The following NCKAP1 variants were observed in gnomAD, a reference collection of about 807,000 sequenced individuals.
NCKAP1 encodes the protein NCK associated protein 1.
A neutral mutation model predicts 151.2 loss-of-function variants in NCKAP1; 21 were observed. That is an observed-to-expected ratio of 0.14 (90% CI 0.10 to 0.20). NCKAP1 has a LOEUF of 0.20. Ranked by LOEUF, NCKAP1 falls within the 10% of genes least tolerant of loss-of-function variation. The probability of loss-of-function intolerance (pLI) is 1.00; values close to 1 mark genes in which losing one functional copy is unlikely to be tolerated. For synonymous variants in NCKAP1, 484 were observed against 451.8 expected (o/e 1.07, Z -0.90); for missense variants, 933 against 1,352.1 (o/e 0.69, Z 4.86).
intron 23 of NCKAP1, among the ~76,000 whole-genome samples, chr2:182,945,376 T>C (rs1050613546): frequency 3.3e-5 from 5 of 151,848 alleles, no homozygotes; most frequent in African/African-American, 9.7e-5. Flanking sequence ...CCAGACCAGG[T>C]GACAGGGAGA....
chr2:183,022,974 C>T (rs930384630), intron 2 of NCKAP1: 4 of 151,968 alleles, frequency 2.6e-5, no homozygotes, highest in African/African-American at 7.2e-5. Flanking sequence ...GACCAGCTGA[C>T]GATATATCTT....
At chr2:183,013,095 A>G (rs1165791661) in intron 2 of NCKAP1, among the ~76,000 whole-genome samples, 1 of 152,104 alleles carries the variant, frequency 6.6e-6, no homozygotes, top group Non-Finnish European at 1.5e-5. Flanking sequence ...ACTGAGTAGC[A>G]ATACTACTCA....
rs576196412 is a variant in NCKAP1 at position 182,910,868 on chromosome 2, A to C, written c.*14834T>G. 1 of 151,810 alleles carries C rather than the reference A, an allele frequency of 6.6e-6. No individual in the cohort carries two copies. The highest frequency in any genetic ancestry group is 2.1e-4 in the South Asian group (1 of 4,814). The allele number at this position is 151,810 out of a possible 1,614,324, so 9.4% of individuals were successfully genotyped here. A position where few individuals can be genotyped will look rare whatever the true frequency, so the allele number is the denominator to read the frequency against. ...ACTGAGAAGAAGGTGATTGCTAAGT[A>C]TTTACAGATTAAAGACTCAACCTGT... On this transcript the variant is annotated 3_prime_UTR_variant, in exon 31 of 31. Coordinates refer to ENST00000361354, the MANE Select transcript of NCKAP1 (RefSeq NM_013436.5).
intron 19 of NCKAP1, 37 bp from the exon 20 acceptor site, chr2:182,956,630 G>GTGA: frequency 6.4e-7 from 1 of 1,566,980 alleles, no homozygotes; most frequent in Non-Finnish European, 8.6e-7. Context: ...ATGTTCACAT[G>GTGA]TCATCACAGG....
Position 182,989,075 on chromosome 2 carries a change from A to T in NCKAP1, c.902T>A (p.Phe301Tyr). The change falls in exon 9 of 31, where the codon TTC (phenylalanine) becomes TAC (tyrosine). Residue 301 changes from phenylalanine to tyrosine, a missense_variant. Physicochemically the swap from Phe to Tyr is conservative, Grantham distance 22. This residue lies in a region of NCKAP1 where 607 missense variants were observed against 795.0 expected (regional missense o/e 0.76). Coordinates refer to ENST00000361354, the MANE Select transcript of NCKAP1 (RefSeq NM_013436.5). ...GTCTTCTGCAGCTTTGTGAATGTGG[A>T]AAACTTCATCCCGAAAGAGAGAGAG... Reference protein sequence around the residue: ...SCLSLFRDEVFHIHKAAEDLF... With the variant: ...SCLSLFRDEVYHIHKAAEDLF... The T allele has an allele frequency of 6.2e-7, 1 of 1,613,974 alleles. No individual in the cohort carries two copies. Among genetic ancestry groups the T allele is most frequent in the Non-Finnish European group, 8.5e-7 (1 of 1,179,888 alleles).
At chr2:183,004,257 A>G (rs1452701693) in intron 2 of NCKAP1, among the ~76,000 whole-genome samples, 1 of 152,142 alleles carries the variant, frequency 6.6e-6, no homozygotes, top group Non-Finnish European at 1.5e-5. Flanking sequence ...AGAACATGAG[A>G]AAACTGGAAA....
intron 23 of NCKAP1, among the ~76,000 whole-genome samples, chr2:182,949,502 CAG>C (rs1491572392): frequency 1.3e-5 from 2 of 152,070 alleles, no homozygotes; most frequent in Admixed American, 6.6e-5. Flanking sequence ...TTGAATAAAA[CAG>C]AGTTAAGAAA....
intron 8 of NCKAP1, among the ~76,000 whole-genome samples, chr2:182,991,393 T>C (rs988353192): frequency 6.6e-6 from 1 of 152,094 alleles, no homozygotes; most frequent in Non-Finnish European, 1.5e-5. Flanking sequence ...ACCCCATCTC[T>C]ACTAAAAATA....
chr2:182,964,565 T>C, intron 17 of NCKAP1, 111 bp downstream of exon 17: 1 of 826,980 alleles, frequency 1.2e-6, no homozygotes. Context: ...TAGAGATGTA[T>C]TCGATGGGAA....
intron 8 of NCKAP1, among the ~76,000 whole-genome samples, chr2:182,992,015 G>A (rs935668775): frequency 6.6e-6 from 1 of 152,166 alleles, no homozygotes; most frequent in Admixed American, 6.5e-5. Context: ...CAGAATCACT[G>A]AGAAAGTACA....
At chr2:182,933,695 T>C (rs926925853) in intron 26 of NCKAP1, among the ~76,000 whole-genome samples, 5 of 151,752 alleles carry the variant, frequency 3.3e-5, no homozygotes, top group South Asian at 2.1e-4. Context: ...GATTAGAGTC[T>C]TGAGCCACCA....
In NCKAP1 at chr2:182,926,857, T is replaced by C. The variant is rs766604007; in HGVS notation, c.3229A>G (p.Thr1077Ala). 3.7e-6 allele frequency: 6 copies of C among 1,606,488 alleles called. No homozygotes were observed. The South Asian group carries it at 4.4e-5, about 12-fold the overall frequency. ...TAAACAGATTCTCTATTTCTTGTTG[T>C]AGTTTTATCTGTCTCCTGGCCAATT... ...LKIGQETDKT[T>A]TRNRESVYLL... Residue 1077 changes from threonine (T) to alanine (A), a missense_variant, in exon 30 of 31, where the codon ACA (threonine) becomes GCA (alanine). Physicochemically the swap from Thr to Ala is moderately conservative, Grantham distance 58. Coordinates refer to ENST00000361354, the MANE Select transcript of NCKAP1 (RefSeq NM_013436.5).
rs114641944 is a variant in NCKAP1, at chr2:182,911,885, G to C, written c.*13817C>G. ...ATTAGAAAGCAGTAACTGCATTTCT[G>C]GTAGGCCTTTCTGATAGGTCACTTG... On this transcript the variant is annotated 3_prime_UTR_variant, in exon 31 of 31. Transcript: ENST00000361354. The C allele has an allele frequency of 4.4e-3, 672 of 152,116 alleles. 5 individuals are homozygous for C. Among genetic ancestry groups the C allele is most frequent in the African/African-American group, 0.016 (655 of 41,538 alleles). The allele number at this position is 152,116 out of a possible 1,614,324, so 9.4% of individuals were successfully genotyped here.
rs544744639 is a variant in NCKAP1 at position 183,006,496 on chromosome 2, A to C, written c.220-3171T>G. Among the ~76,000 whole-genome samples, 7 of 152,344 alleles carry C rather than the reference A, an allele frequency of 4.6e-5. No individual in the cohort carries two copies. The South Asian group carries it at 1.0e-3, about 23-fold the overall frequency. ...TATGTGTCAGGCATCGATTGTTCCA[A>C]ACATTTTACAGGTCTCTCACACAAT... On this transcript the variant is annotated intron_variant, in intron 2 of 30. Transcript: ENST00000361354.
chr2:182,955,873 C>T (rs1697315667), intron 20 of NCKAP1, among the ~76,000 whole-genome samples: 1 of 152,054 alleles, frequency 6.6e-6, no homozygotes, highest in Admixed American at 6.6e-5. Flanking sequence ...TGGGTTGCCA[C>T]CTGCAAGATG....
At chr2:182,984,734 C>T (rs961818693) in intron 10 of NCKAP1, among the ~76,000 whole-genome samples, 1 of 151,904 alleles carries the variant, frequency 6.6e-6, no homozygotes, top group African/African-American at 2.4e-5. Context: ...GTGTCATTTC[C>T]AAGAAGAAAA....
chr2:182,916,643 C>T lies in NCKAP1; in HGVS notation c.*9059G>A, dbSNP rs915388555. 12 of 152,168 alleles carry T rather than the reference C, an allele frequency of 7.9e-5. No individual in the cohort carries two copies. Among genetic ancestry groups the T allele is most frequent in the African/African-American group, 2.9e-4 (12 of 41,426 alleles). 9.4% of individuals were successfully genotyped at this position (152,168 alleles called of 1,614,324 possible). Reference sequence around the variant, plus strand: ...GAGTTTGCCAGCCAGAATAAGAGAACATTCCATTCCAGAGACAGGGAACAG... The same window carrying T: ...GAGTTTGCCAGCCAGAATAAGAGAATATTCCATTCCAGAGACAGGGAACAG... On this transcript the variant is annotated 3_prime_UTR_variant, in exon 31 of 31. Transcript: ENST00000361354.
rs1696607787 is a variant in NCKAP1 at position 182,924,740 on chromosome 2, A to G, written c.*962T>C. ...CAATAAAATGTTTTTTAAAACATTT[A>G]AACAAATCATATAATAGCTGACCTG... On this transcript the variant is annotated 3_prime_UTR_variant, in exon 31 of 31. Coordinates refer to ENST00000361354, the MANE Select transcript of NCKAP1 (RefSeq NM_013436.5). 1 of 151,974 alleles carries G rather than the reference A, an allele frequency of 6.6e-6. No homozygotes were observed. Among genetic ancestry groups the G allele is most frequent in the Admixed American group, 6.5e-5 (1 of 15,268 alleles). 9.4% of individuals were successfully genotyped at this position (151,974 alleles called of 1,614,324 possible). A position where few individuals can be genotyped will look rare whatever the true frequency, so the allele number is the denominator to read the frequency against.
At chr2:182,987,358 A>C (rs1698077646) in intron 9 of NCKAP1, among the ~76,000 whole-genome samples, 2 of 152,282 alleles carry the variant, frequency 1.3e-5, no homozygotes, top group South Asian at 4.2e-4. Context: ...TTTCCAAAAT[A>C]TAATAATTCT....
Sources: allele counts gnomAD v4.1 joint callset (sites outside exome capture counted in the v4.1 genomes callset), GRCh38; gene constraint gnomAD v4.1.1; regional missense constraint gnomAD v4.1.1; transcripts MANE v1.5; gene names NCBI Gene and HGNC (gene_info 2026-07-23, HGNC 2026-07-21).